ATXN1: variants seen among roughly 807,000 people sequenced by gnomAD.
ATXN1 encodes ataxin-1.
ATXN1 carries 8 observed loss-of-function variants against 56.4 expected under a neutral mutation model. The observed-to-expected ratio is 0.14, with a 90% CI of 0.08 to 0.26. ATXN1 has a LOEUF of 0.26. Among genes scored for constraint, ATXN1 ranks in the 10% least tolerant of loss-of-function variants. The pLI is 1.00. For synonymous variants in ATXN1, 514 were observed against 494.6 expected, an observed-to-expected ratio of 1.04 and a Z score of -0.52; for missense variants, 987 against 1,106.5, an observed-to-expected ratio of 0.89 and a Z score of 1.53.
At position 16,495,840 on chromosome 6, in the gene ATXN1, G is replaced by A. The variant is rs530940141; in HGVS notation, c.-298-9731C>T. On this transcript the variant is annotated intron_variant, in intron 5 of 7. Transcript: ENST00000436367. ...ATCATGCCACTGCACTCTAGCCTGGGTGACAGAGTGAGACTCTCTCTCTCT... is the reference window on the plus strand; with the variant it reads ...ATCATGCCACTGCACTCTAGCCTGGATGACAGAGTGAGACTCTCTCTCTCT... Among the ~76,000 whole-genome samples, 6 of 151,472 alleles carry A rather than the reference G, an allele frequency of 4.0e-5. No individual in the cohort carries two copies. The South Asian group carries it at 1.3e-3, about 32-fold the overall frequency.
At chr6:16,363,427 T>C (rs1170562760) in intron 6 of ATXN1, among the ~76,000 whole-genome samples, 3 of 152,190 alleles carry the variant, frequency 2.0e-5, no homozygotes, top group Non-Finnish European at 4.4e-5. Context: ...GATACTCCAC[T>C]GAAGGACAAA....
At position 16,362,706 on chromosome 6, in the gene ATXN1, T is replaced by G. The variant is rs1761836372; in HGVS notation, c.-160-34236A>C. 7.3e-5 allele frequency among the ~76,000 whole-genome samples: 11 copies of G among 150,986 alleles called. 1 individual carries two copies. The South Asian group carries it at 2.3e-3, about 32-fold the overall frequency. On this transcript the variant is annotated intron_variant, in intron 6 of 7. Transcript: ENST00000436367. ...AGATCATTCTTTGCAGAATATAATG[T>G]GAACATCTTGCTCTTGCTTGTACTG...
At position 16,475,312 on chromosome 6, in the gene ATXN1, G is replaced by GTTGTTGCTCTTCCA; in HGVS notation, c.-161+10659_-161+10660insTGGAAGAGCAACAA. Reference sequence around the variant, plus strand: ...CAGTGTAATGACAATGACAGTTAATGACAACTCCTATTATAGCAGAAATGT... The same window carrying GTTGTTGCTCTTCCA: ...CAGTGTAATGACAATGACAGTTAATGTTGTTGCTCTTCCAACAACTCCTATTATAGCAGAAATGT... On this transcript the variant is annotated intron_variant, in intron 6 of 7. Coordinates refer to ENST00000436367, the MANE Select transcript of ATXN1 (RefSeq NM_001128164.2). 2.6e-5 allele frequency among the ~76,000 whole-genome samples: 4 copies of GTTGTTGCTCTTCCA among 152,276 alleles called. No individual in the cohort carries two copies. In the South Asian group the frequency reaches 8.3e-4, roughly 32 times the overall value.
chr6:16,334,179 A>G (rs575212768), intron 6 of ATXN1, among the ~76,000 whole-genome samples: 27 of 152,332 alleles, frequency 1.8e-4, no homozygotes, highest in African/African-American at 6.5e-4. Context: ...GAAGGGATAT[A>G]TGTTGCGAAT....
chr6:16,641,604 C>A (rs181539427), intron 3 of ATXN1, among the ~76,000 whole-genome samples: 5 of 152,200 alleles, frequency 3.3e-5, no homozygotes, highest in African/African-American at 4.8e-5. Flanking sequence ...CAATGCACTT[C>A]GTCACTCATC....
At chr6:16,706,792 A>G (rs142898323) in intron 2 of ATXN1, among the ~76,000 whole-genome samples, 1 of 152,026 alleles carries the variant, frequency 6.6e-6, no homozygotes, top group Non-Finnish European at 1.5e-5. Context: ...TCAGGGCTAA[A>G]TAAACCAGAC....
At chr6:16,658,532 T>C (rs1439374746) in intron 2 of ATXN1, among the ~76,000 whole-genome samples, 1 of 152,246 alleles carries the variant, frequency 6.6e-6, no homozygotes, top group Non-Finnish European at 1.5e-5. Context: ...GTTTAAAATA[T>C]GCATGCCTCT....
intron 6 of ATXN1, among the ~76,000 whole-genome samples, chr6:16,373,668 C>A (rs1377071323): frequency 6.6e-6 from 1 of 152,196 alleles, no homozygotes; most frequent in East Asian, 1.9e-4. Flanking sequence ...CTCACGAGAT[C>A]TGATTGTTTT....
In ATXN1 at chr6:16,326,256, T is replaced by C; in HGVS notation, c.1917+138A>G. On this transcript the variant is annotated intron_variant, in intron 7 of 7. Coordinates refer to ENST00000436367, the MANE Select transcript of ATXN1 (RefSeq NM_001128164.2). The surrounding 1 kb of genome is among the most constrained non-coding windows in gnomAD (Gnocchi z 6.6). ...GCTTATTTTTTCTAGAGAACGCAGT[T>C]GGGAAAGGCCGAGTCTAAGGTCTAG... The C allele has an allele frequency of 2.8e-6, 4 of 1,436,606 alleles. No individual in the cohort carries two copies. Among genetic ancestry groups the C allele is most frequent in the Non-Finnish European group, 3.6e-6 (4 of 1,096,350 alleles). 89.0% of individuals were successfully genotyped at this position (1,436,606 alleles called of 1,614,324 possible). A position where few individuals can be genotyped will look rare whatever the true frequency, so the allele number is the denominator to read the frequency against.
At position 16,486,127 on chromosome 6, in the gene ATXN1, CA is replaced by C. The variant is rs1760539171; in HGVS notation, c.-298-19del. 6.6e-6 allele frequency: 1 copy of C among 152,098 alleles called. No individual in the cohort carries two copies. Among genetic ancestry groups the C allele is most frequent in the African/African-American group, 2.4e-5 (1 of 41,406 alleles). 9.4% of individuals were successfully genotyped at this position (152,098 alleles called of 1,614,324 possible). ...AGAAATACCTAGCATGGAAATAGAA[CA>C]GAAGAAAAAGAAAAAGGTAAACACA... On this transcript the variant is annotated intron_variant, in intron 5 of 7. Coordinates refer to ENST00000436367, the MANE Select transcript of ATXN1 (RefSeq NM_001128164.2).
intron 6 of ATXN1, among the ~76,000 whole-genome samples, chr6:16,353,127 T>C (rs1761606280): frequency 2.0e-5 from 3 of 152,196 alleles, no homozygotes; most frequent in Admixed American, 1.3e-4. Context: ...GAACTGTTTA[T>C]TTCTGGAATT....
At chr6:16,699,103 G>A (rs1759228810) in intron 2 of ATXN1, among the ~76,000 whole-genome samples, 1 of 152,112 alleles carries the variant, frequency 6.6e-6, no homozygotes, top group Non-Finnish European at 1.5e-5. Flanking sequence ...AATAAATGTG[G>A]GGCTACAGTT....
intron 5 of ATXN1, among the ~76,000 whole-genome samples, chr6:16,515,652 G>A (rs1761167887): frequency 6.6e-6 from 1 of 152,170 alleles, no homozygotes; most frequent in African/African-American, 2.4e-5. Flanking sequence ...TCCGTGTTGA[G>A]TCCTACACGG....
At chr6:16,388,202 G>A (rs1242080134) in intron 6 of ATXN1, among the ~76,000 whole-genome samples, 3 of 152,146 alleles carry the variant, frequency 2.0e-5, no homozygotes, top group African/African-American at 7.2e-5. Flanking sequence ...CGGTGAAAGG[G>A]GCTGCAGGTC....
chr6:16,610,121 A>C (rs1763077438), intron 3 of ATXN1, among the ~76,000 whole-genome samples: 3 of 152,164 alleles, frequency 2.0e-5, no homozygotes, highest in Admixed American at 6.5e-5. Flanking sequence ...ATAGATGCTA[A>C]TGGATACAGG....
In ATXN1 at chr6:16,441,041, C is replaced by T. The variant is rs181152632; in HGVS notation, c.-161+44931G>A. 3.9e-3 allele frequency among the ~76,000 whole-genome samples: 587 copies of T among 152,194 alleles called. 2 individuals are homozygous for T. The highest frequency in any genetic ancestry group is 6.3e-3 in the Non-Finnish European group (428 of 68,018). ...ACGGCACGGTCAGCAGGGTGGTGAG[C>T]TATTTTGAGCACAGCAGCATCATTG... On this transcript the variant is annotated intron_variant, in intron 6 of 7. Transcript: ENST00000436367.
At chr6:16,373,285 G>A (rs1157100454) in intron 6 of ATXN1, among the ~76,000 whole-genome samples, 2 of 152,198 alleles carry the variant, frequency 1.3e-5, no homozygotes, top group Non-Finnish European at 2.9e-5. Context: ...ATAATTTCTT[G>A]TTTGGGTCTT....
At chr6:16,440,793 A>C (rs759439658) in intron 6 of ATXN1, among the ~76,000 whole-genome samples, 1 of 152,126 alleles carries the variant, frequency 6.6e-6, no homozygotes, top group Non-Finnish European at 1.5e-5. Context: ...AACAACAAAA[A>C]CAGAGAAATT....
intron 5 of ATXN1, among the ~76,000 whole-genome samples, chr6:16,494,524 GCTT>G (rs762984102): frequency 2.8e-4 from 43 of 152,110 alleles, no homozygotes; most frequent in Non-Finnish European, 4.1e-4. Context: ...CCATGTCACT[GCTT>G]CTTATCATTA....
Sources: allele counts gnomAD v4.1 joint callset (sites outside exome capture counted in the v4.1 genomes callset), GRCh38; gene constraint gnomAD v4.1.1; non-coding constraint Gnocchi (gnomAD v3.1); transcripts MANE v1.5; gene names NCBI Gene and HGNC (gene_info 2026-07-23, HGNC 2026-07-21).